Variants in SYNDIG1 observed in about 807,000 individuals in gnomAD.
The protein encoded by SYNDIG1 is synapse differentiation inducing 1, also known as synapse differentiation-inducing gene protein 1.
Under a neutral mutation model 19.4 loss-of-function variants are expected in SYNDIG1, and 9 were observed. The observed-to-expected ratio is 0.46, with a 90% CI of 0.28 to 0.81. The LOEUF (loss-of-function observed/expected upper bound fraction) is 0.81. Among genes scored for constraint, SYNDIG1 ranks in the 30% least tolerant of loss-of-function variants. SYNDIG1 has a pLI of 0.12. For synonymous variants in SYNDIG1, 141 were observed against 145.9 expected (o/e 0.97, Z 0.24); for missense variants, 311 against 343.3 (o/e 0.91, Z 0.74).
At chr20:24,497,373 G>A (rs183994277) in intron 1 of SYNDIG1, among the ~76,000 whole-genome samples, 38 of 152,172 alleles carry the variant, frequency 2.5e-4, no homozygotes, top group South Asian at 6.2e-4. Context: ...GCTAATTTTC[G>A]TATTTTGAGT....
chr20:24,505,798 C>T (rs995043612), intron 1 of SYNDIG1, among the ~76,000 whole-genome samples: 8 of 152,206 alleles, frequency 5.3e-5, no homozygotes, highest in Non-Finnish European at 7.3e-5. Flanking sequence ...AGACTTTCCC[C>T]TTGCAGCACT....
At chr20:24,501,998 G>T (rs1158618516) in intron 1 of SYNDIG1, among the ~76,000 whole-genome samples, 1 of 152,246 alleles carries the variant, frequency 6.6e-6, no homozygotes, top group East Asian at 1.9e-4. Context: ...CCCACGAGCA[G>T]CCCTTGGCCA....
intron 2 of SYNDIG1, among the ~76,000 whole-genome samples, chr20:24,579,014 A>G (rs1259884186): frequency 6.6e-6 from 1 of 152,212 alleles, no homozygotes; most frequent in East Asian, 1.9e-4. Flanking sequence ...AGTATTGCAA[A>G]CCGTACATCA....
At chr20:24,548,611 A>C (rs190363004) in intron 2 of SYNDIG1, among the ~76,000 whole-genome samples, 15 of 152,336 alleles carry the variant, frequency 9.8e-5, no homozygotes, top group Non-Finnish European at 1.5e-4. Flanking sequence ...GAAAATAATA[A>C]ACAGCATTTT....
rs145108789 is a variant in SYNDIG1 at position 24,595,722 on chromosome 20, A to T, written c.618+10729A>T. ...TTTCTTCCTGGTTCAACCTTGGGAG[A>T]TTTTGTGTTTCCAGCAATGTATCCA... On this transcript the variant is annotated intron_variant, in intron 3 of 3. Coordinates refer to ENST00000376862, the MANE Select transcript of SYNDIG1 (RefSeq NM_024893.3). Among the ~76,000 whole-genome samples, 1,360 of 151,806 alleles carry T rather than the reference A, an allele frequency of 9.0e-3. 9 individuals are homozygous for T. Among genetic ancestry groups the T allele is most frequent in the Middle Eastern group, 0.02 (6 of 294 alleles).
chr20:24,607,095 C>T (rs1040443186), intron 3 of SYNDIG1, among the ~76,000 whole-genome samples: 1 of 152,178 alleles, frequency 6.6e-6, no homozygotes, highest in African/African-American at 2.4e-5. Context: ...CACCATGGCT[C>T]ATGCCTATAA....
intron 3 of SYNDIG1, among the ~76,000 whole-genome samples, chr20:24,611,341 A>G (rs1321390601): frequency 6.6e-6 from 1 of 152,060 alleles, no homozygotes; most frequent in African/African-American, 2.4e-5. Context: ...CTCTTGTGTC[A>G]GCCAAAGTCC....
At chr20:24,474,865 T>G (rs915124556) in intron 1 of SYNDIG1, among the ~76,000 whole-genome samples, 11 of 152,180 alleles carry the variant, frequency 7.2e-5, no homozygotes, top group Non-Finnish European at 1.3e-4. Context: ...TTTCCTCTAT[T>G]TCAGAAAACT....
chr20:24,547,906 G>C (rs1013198097), intron 2 of SYNDIG1, among the ~76,000 whole-genome samples: 2 of 152,210 alleles, frequency 1.3e-5, no homozygotes, highest in Non-Finnish European at 2.9e-5. Context: ...ATGGTGACCA[G>C]ATGTTGAATG....
intron 3 of SYNDIG1, among the ~76,000 whole-genome samples, chr20:24,604,742 C>T (rs1346001314): frequency 1.3e-5 from 2 of 152,092 alleles, no homozygotes; most frequent in Non-Finnish European, 2.9e-5. Context: ...TCTTTTATTC[C>T]TTTACTTTTT....
intron 2 of SYNDIG1, among the ~76,000 whole-genome samples, chr20:24,549,346 CA>C (rs2057657575): frequency 6.6e-6 from 1 of 152,086 alleles, no homozygotes; most frequent in African/African-American, 2.4e-5. Context: ...TTTCATTTAA[CA>C]TAATGTCCTC....
chr20:24,584,484 G>A (rs1048764109), intron 2 of SYNDIG1, among the ~76,000 whole-genome samples: 2 of 152,208 alleles, frequency 1.3e-5, no homozygotes, highest in African/African-American at 2.4e-5. Context: ...CTTCCAGGCA[G>A]GCAGTCCCTA....
intron 3 of SYNDIG1, among the ~76,000 whole-genome samples, chr20:24,608,278 T>C (rs6114802): frequency 0.15 from 22,669 of 151,760 alleles, 2,007 homozygotes; most frequent in African/African-American, 0.24. Context: ...TCCCGGGTTC[T>C]AGCGATTCTC....
At chr20:24,503,510 G>C in intron 1 of SYNDIG1, among the ~76,000 whole-genome samples, 1 of 152,164 alleles carries the variant, frequency 6.6e-6, no homozygotes, top group Non-Finnish European at 1.5e-5. Flanking sequence ...GGAGAAGCTC[G>C]TCTACTTTTG....
intron 3 of SYNDIG1, among the ~76,000 whole-genome samples, chr20:24,599,196 C>T (rs1203837817): frequency 6.6e-6 from 1 of 152,064 alleles, no homozygotes; most frequent in East Asian, 1.9e-4. Context: ...ATAGATTTCT[C>T]AAAATAAGAC....
At chr20:24,626,151 G>A (rs1284690665) in intron 3 of SYNDIG1, among the ~76,000 whole-genome samples, 10 of 150,050 alleles carry the variant, frequency 6.7e-5, no homozygotes, top group East Asian at 4.0e-4. Flanking sequence ...CGGACGGGGC[G>A]GCTGGCCGGG....
At chr20:24,512,332 A>G (rs1169994085) in intron 1 of SYNDIG1, among the ~76,000 whole-genome samples, 1 of 151,020 alleles carries the variant, frequency 6.6e-6, no homozygotes, top group African/African-American at 2.4e-5. Context: ...GAGCCAAAGC[A>G]GGGCGAGGCA....
intron 3 of SYNDIG1, among the ~76,000 whole-genome samples, chr20:24,605,813 C>G (rs138445695): frequency 1.3e-5 from 2 of 152,276 alleles, no homozygotes; most frequent in East Asian, 3.9e-4. Flanking sequence ...GTCTGCAAAG[C>G]CTGTGACGTG....
At chr20:24,512,496 C>G (rs116077132) in intron 1 of SYNDIG1, among the ~76,000 whole-genome samples, 5,441 of 152,080 alleles carry the variant, frequency 0.036, 129 homozygotes, top group Admixed American at 0.094. Flanking sequence ...GATTATATCT[C>G]GTGCCTGGCT....
Sources: allele counts gnomAD v4.1 joint callset (sites outside exome capture counted in the v4.1 genomes callset), GRCh38; gene constraint gnomAD v4.1.1; transcripts MANE v1.5; gene names NCBI Gene and HGNC (gene_info 2026-07-23, HGNC 2026-07-21).